GPX6: variants seen among roughly 807,000 people sequenced by gnomAD.
The protein encoded by GPX6 is glutathione peroxidase 6 (olfactory).
GPX6 carries 21 observed loss-of-function variants against 20.0 expected under a neutral mutation model. The ratio of observed to expected loss-of-function variants is 1.05; its 90% CI spans 0.74 to 1.51. The LOEUF (loss-of-function observed/expected upper bound fraction) is 1.51. GPX6 is among the 40% of genes most tolerant of loss of function. The probability of loss-of-function intolerance (pLI) is 0.00; values close to 1 mark genes in which losing one functional copy is unlikely to be tolerated. For missense variants in GPX6, 233 were observed against 254.7 expected, an observed-to-expected ratio of 0.91 and a Z score of 0.58; for synonymous variants, 75 against 98.0, an observed-to-expected ratio of 0.77 and a Z score of 1.38.
rs1762781509 is a variant in GPX6 at position 28,504,046 on chromosome 6, CA to C, written c.*245del. On this transcript the variant is annotated 3_prime_UTR_variant, in exon 5 of 5. Coordinates refer to ENST00000361902, the MANE Select transcript of GPX6 (RefSeq NM_182701.1). ...AAACACACACACACACACACACACA[CA>C]CACCATACATACACCTATGCATATA... is the stretch of plus-strand genomic sequence containing the variant. The C allele has an allele frequency of 1.2e-5, 6 of 506,996 alleles. No individual in the cohort carries two copies. The allele number at this position is 506,996 out of a possible 1,614,324, so 31.4% of individuals were successfully genotyped here.
chr6:28,510,500 C>A (rs979903654), intron 2 of GPX6, among the ~76,000 whole-genome samples: 1 of 152,196 alleles, frequency 6.6e-6, no homozygotes, highest in African/African-American at 2.4e-5. Flanking sequence ...CCGAGTAACA[C>A]ATTCAACTTG....
chr6:28,505,226 A>G (rs940088327), intron 4 of GPX6, among the ~76,000 whole-genome samples: 4 of 152,230 alleles, frequency 2.6e-5, no homozygotes, highest in Non-Finnish European at 5.9e-5. Context: ...AAATTTCAGC[A>G]GGACCAGCAT....
chr6:28,505,803 C>T lies in GPX6; in HGVS notation c.360-1G>A. 3 of 1,612,080 alleles carry T rather than the reference C, an allele frequency of 1.9e-6. No individual in the cohort carries two copies. The highest frequency in any genetic ancestry group is 3.3e-4 in the Middle Eastern group (2 of 6,056). On this transcript the variant is annotated splice_acceptor_variant, in intron 3 of 4. Coordinates refer to ENST00000361902, the MANE Select transcript of GPX6 (RefSeq NM_182701.1). LOFTEE classifies it high-confidence loss of function. ...AAAGCCACTACCTGGACACACATAC[C>T]TGCAGTGAACCAAAGTTGTTCCCAG...
chr6:28,504,099 TACACACACAC>T lies in GPX6; in HGVS notation c.*183_*192del, dbSNP rs55919532. On this transcript the variant is annotated 3_prime_UTR_variant, in exon 5 of 5. Transcript: ENST00000361902. ...CAACAAATACAATTCTACATATCCATACACACACACACACACACACACACAGCTACACACA... is the reference window on the plus strand; with the variant it reads ...CAACAAATACAATTCTACATATCCATACACACACACACACAGCTACACACA... The T allele has an allele frequency of 7.1e-6, 4 of 564,784 alleles. No homozygotes were observed. Among genetic ancestry groups the T allele is most frequent in the East Asian group, 3.0e-5 (1 of 33,850 alleles). The allele number at this position is 564,784 out of a possible 1,614,324, so 35.0% of individuals were successfully genotyped here. A position where few individuals can be genotyped will look rare whatever the true frequency, so the allele number is the denominator to read the frequency against.
In GPX6 at chr6:28,509,365, C is replaced by CAA. The variant is rs34508933; in HGVS notation, c.241+1384_241+1385dup. 9.0e-3 allele frequency among the ~76,000 whole-genome samples: 907 copies of CAA among 101,094 alleles called. 24 individuals carry two copies. Among genetic ancestry groups the CAA allele is most frequent in the Admixed American group, 0.064 (619 of 9,742 alleles). The allele number at this position is 101,094 out of a possible 152,430, so 66.3% of individuals were successfully genotyped here. On this transcript the variant is annotated intron_variant, in intron 2 of 4. Coordinates refer to ENST00000361902, the MANE Select transcript of GPX6 (RefSeq NM_182701.1). ...CAAAACACTGCCTCTGCTAAAAATG[C>CAA]AAAAAAAAAAAAAAAAAAATTAGCT...
Position 28,506,322 on chromosome 6 carries a change from G to T in GPX6, c.349C>A (p.Leu117Ile). ...QEPGTNSEIL[L>I]GLKYVCPGSG... ...CATGCAAGCACTCACTTGAGACCAAGAAGTATTTCTGAGTTTGTTCCTGGT... is the reference window on the plus strand; with the variant it reads ...CATGCAAGCACTCACTTGAGACCAATAAGTATTTCTGAGTTTGTTCCTGGT... Residue 117 changes from leucine (L) to isoleucine (I), a missense_variant, in exon 3 of 5, where the codon CTT (leucine) becomes ATT (isoleucine). Leu to Ile is a conservative substitution (Grantham distance 5). Coordinates refer to ENST00000361902, the MANE Select transcript of GPX6 (RefSeq NM_182701.1). 6.2e-7 allele frequency: 1 copy of T among 1,605,294 alleles called. No individual in the cohort carries two copies. The highest frequency in any genetic ancestry group is 1.3e-5 in the African/African-American group (1 of 74,864).
chr6:28,507,904 T>C (rs752207202), intron 2 of GPX6, among the ~76,000 whole-genome samples: 3 of 152,228 alleles, frequency 2.0e-5, no homozygotes, highest in Non-Finnish European at 2.9e-5. Context: ...CCCCACTGTA[T>C]GTGATATATG....
At chr6:28,505,574 T>C (rs979993965) in intron 4 of GPX6, 129 bp downstream of exon 4, 1 of 671,908 alleles carries the variant, frequency 1.5e-6, no homozygotes, top group Non-Finnish European at 2.6e-6. Context: ...ACAGCAGATA[T>C]TGCCATGAGC....
Position 28,510,827 on chromosome 6 carries a change from T to C in GPX6, c.165A>G (p.Gln55=), listed in dbSNP as rs1366915459. The C allele has an allele frequency of 1.2e-6, 2 of 1,614,102 alleles. No individual in the cohort carries two copies. Among genetic ancestry groups the C allele is most frequent in the East Asian group, 4.5e-5 (2 of 44,870 alleles). Residue 55 remains glutamine (Q), a synonymous_variant, in exon 2 of 5, where the codon CAA becomes CAG. Coordinates refer to ENST00000361902, the MANE Select transcript of GPX6 (RefSeq NM_182701.1). ...CGTGCTTGCCTGCAAACTGCTTGAA[T>C]TGGATGTACTCCTCGCCGTTGAGGG... ...ALTLNGEEYI[Q]FKQFAGKHVL... is the part of the protein sequence containing the mutation.
At position 28,505,792 on chromosome 6, in the gene GPX6, G is replaced by A. The variant is rs776165498; in HGVS notation, c.370C>T (p.Pro124Ser). ...AAACTGGGGACAAAGCCACTACCTG[G>A]ACACACATACCTGCAGTGAACCAAA... ...EILLGLKYVC[P>S]GSGFVPSFQL... is the part of the protein sequence containing the mutation. The change falls in exon 4 of 5, where the codon CCA becomes TCA. Residue 124 changes from proline (P) to serine (S), a missense_variant. Pro to Ser is a moderately conservative substitution (Grantham distance 74). Coordinates refer to ENST00000361902, the MANE Select transcript of GPX6 (RefSeq NM_182701.1). The A allele has an allele frequency of 2.1e-5, 34 of 1,613,586 alleles. No homozygotes were observed. The highest frequency in any genetic ancestry group is 2.9e-5 in the Non-Finnish European group (34 of 1,179,656).
At chr6:28,504,578 C>T (rs1048219060) in intron 4 of GPX6, 80 bp from the exon 5 acceptor site, 2 of 1,250,716 alleles carry the variant, frequency 1.6e-6, no homozygotes, top group Admixed American at 4.2e-5. Context: ...GTTTTATCTC[C>T]AGACTAGAGA....
chr6:28,507,620 A>T (rs141291827), intron 2 of GPX6, among the ~76,000 whole-genome samples: 9 of 152,332 alleles, frequency 5.9e-5, no homozygotes, highest in African/African-American at 2.2e-4. Context: ...GCTGGAGTGC[A>T]GTGGCAGGAT....
chr6:28,514,039 G>A (rs1189590151), intron 1 of GPX6, among the ~76,000 whole-genome samples: 1 of 152,240 alleles, frequency 6.6e-6, no homozygotes, highest in East Asian at 1.9e-4. Flanking sequence ...CTATGATGGA[G>A]TTATCATCTA....
intron 1 of GPX6, among the ~76,000 whole-genome samples, chr6:28,513,103 G>T (rs1325031724): frequency 6.6e-6 from 1 of 152,182 alleles, no homozygotes; most frequent in Non-Finnish European, 1.5e-5. Flanking sequence ...CCGGGCTCCA[G>T]GGAAAAACCA....
In GPX6 at chr6:28,510,733, T is replaced by G; in HGVS notation, c.241+18A>C. 1 of 1,607,826 alleles carries G rather than the reference T, an allele frequency of 6.2e-7. No homozygotes were observed. Among genetic ancestry groups the G allele is most frequent in the Non-Finnish European group, 8.5e-7 (1 of 1,176,978 alleles). On this transcript the variant is annotated intron_variant, in intron 2 of 4. Coordinates refer to ENST00000361902, the MANE Select transcript of GPX6 (RefSeq NM_182701.1). ...CTGGCAATGCTGCTTCCAAAAGAGT[T>G]GAAACGTGAGTTCTTACCAGGATAC...
chr6:28,511,240 C>A (rs1181449943), intron 1 of GPX6, among the ~76,000 whole-genome samples: 1 of 152,240 alleles, frequency 6.6e-6, no homozygotes, highest in Non-Finnish European at 1.5e-5. Flanking sequence ...CGTCCTCTCT[C>A]AGATACTCTT....
intron 2 of GPX6, among the ~76,000 whole-genome samples, chr6:28,507,378 T>C (rs1762817172): frequency 6.6e-6 from 1 of 152,252 alleles, no homozygotes; most frequent in African/African-American, 2.4e-5. Context: ...ATTTCCTTTC[T>C]ATAGCAGACA....
rs2113595800 is a variant in GPX6, at chr6:28,503,749, G to C, written c.*543C>G. 1 of 153,330 alleles carries C rather than the reference G, an allele frequency of 6.5e-6. No homozygotes were observed. Among genetic ancestry groups the C allele is most frequent in the African/African-American group, 2.4e-5 (1 of 41,522 alleles). 9.5% of individuals were successfully genotyped at this position (153,330 alleles called of 1,614,324 possible). A position where few individuals can be genotyped will look rare whatever the true frequency, so the allele number is the denominator to read the frequency against. On this transcript the variant is annotated 3_prime_UTR_variant, in exon 5 of 5. Coordinates refer to ENST00000361902, the MANE Select transcript of GPX6 (RefSeq NM_182701.1). ...ACATGAGAACTACTGGGTGGCAGGG[G>C]AATAAAGGAGAATTAAGGAGAAAAG...
intron 1 of GPX6, among the ~76,000 whole-genome samples, chr6:28,513,319 C>G (rs35758328): frequency 0.049 from 7,496 of 152,286 alleles, 226 homozygotes; most frequent in Non-Finnish European, 0.063. Context: ...TAAGAGCACC[C>G]TGTAACACAC....
Sources: allele counts gnomAD v4.1 joint callset (sites outside exome capture counted in the v4.1 genomes callset), GRCh38; gene constraint gnomAD v4.1.1; transcripts MANE v1.5; gene names NCBI Gene and HGNC (gene_info 2026-07-23, HGNC 2026-07-21).